Variants in ABI1 observed in about 807,000 individuals in gnomAD.
The protein encoded by ABI1 is abl interactor 1, also known as Abelson interactor 1.
A neutral mutation model predicts 54.6 loss-of-function variants in ABI1; 14 were observed. The observed-to-expected ratio is 0.26, with a 90% CI of 0.17 to 0.40. The LOEUF is 0.40. Among genes scored for constraint, ABI1 ranks in the 10% least tolerant of loss-of-function variants. The pLI, the probability that ABI1 is intolerant of heterozygous loss-of-function variation, is 1.00. For missense variants in ABI1, 443 were observed against 598.3 expected (o/e 0.74, Z 2.71); for synonymous variants, 194 against 209.3 (o/e 0.93, Z 0.63).
chr10:26,803,153 C>G (rs2046669243), intron 2 of ABI1, among the ~76,000 whole-genome samples: 1 of 151,960 alleles, frequency 6.6e-6, no homozygotes, highest in Non-Finnish European at 1.5e-5. Flanking sequence ...GGCAAAGGGA[C>G]TAGCACTACA....
intron 1 of ABI1, among the ~76,000 whole-genome samples, chr10:26,845,697 G>A (rs1441894059): frequency 6.6e-6 from 1 of 152,116 alleles, no homozygotes; most frequent in Non-Finnish European, 1.5e-5. Flanking sequence ...ATACCTAACA[G>A]ACAGTCTTCC....
chr10:26,822,472 A>G (rs2048043817), intron 2 of ABI1, among the ~76,000 whole-genome samples: 2 of 152,366 alleles, frequency 1.3e-5, no homozygotes, highest in South Asian at 4.1e-4. Flanking sequence ...GATTTCCATC[A>G]ACATGTGAAC....
rs192471917 is a variant in ABI1, at chr10:26,860,702, G to A, written c.117+45C>T. ...GCCCAGTGGGCTGGTCACTCCGGCG[G>A]GTCCTCGACCCGGCCAGCGCCCGCC... On this transcript the variant is annotated intron_variant, in intron 1 of 10. Transcript: ENST00000376140. This position sits in a 1 kb window ranked among gnomAD's most constrained non-coding sequence, Gnocchi z 4.1. 1.3e-4 allele frequency: 197 copies of A among 1,507,740 alleles called. 1 individual carries two copies. The African/African-American group carries it at 2.5e-3, about 19-fold the overall frequency. 93.4% of individuals were successfully genotyped at this position (1,507,740 alleles called of 1,614,324 possible).
chr10:26,848,176 G>A (rs961130431), intron 1 of ABI1, among the ~76,000 whole-genome samples: 5 of 142,686 alleles, frequency 3.5e-5, no homozygotes, highest in African/African-American at 1.3e-4. Context: ...TCCAGAACCT[G>A]GGCAACAGAG....
chr10:26,790,130 T>G (rs1843225720), intron 2 of ABI1, among the ~76,000 whole-genome samples: 1 of 152,240 alleles, frequency 6.6e-6, no homozygotes, highest in East Asian at 1.9e-4. Flanking sequence ...TAATTTATAT[T>G]CCTTTGGGTA....
chr10:26,813,444 G>A lies in ABI1; in HGVS notation c.285+9694C>T, dbSNP rs189474621. Among the ~76,000 whole-genome samples the A allele has an allele frequency of 3.3e-5, 5 of 152,284 alleles. No homozygotes were observed. In the East Asian group the frequency reaches 9.6e-4, roughly 29 times the overall value. ...GACGGAGAGCCAAAAGAAACTACAG[G>A]TGGGGATGTATTATCAAATTGGGTG... On this transcript the variant is annotated intron_variant, in intron 2 of 10. Transcript: ENST00000376140.
intron 1 of ABI1, chr10:26,839,821 T>C (rs1255465819): frequency 1.4e-6 from 1 of 699,264 alleles, no homozygotes; most frequent in South Asian, 1.5e-5. Flanking sequence ...CTTTAAAGTT[T>C]GCACTTTAAA....
intron 8 of ABI1, among the ~76,000 whole-genome samples, chr10:26,757,816 C>T (rs976428377): frequency 2.6e-5 from 4 of 151,900 alleles, no homozygotes; most frequent in Admixed American, 2.0e-4. Flanking sequence ...GCCTGTAATC[C>T]CACCACTTTG....
At position 26,777,099 on chromosome 10, in the gene ABI1, T is replaced by C; in HGVS notation, c.428A>G (p.Tyr143Cys). 1 of 1,612,744 alleles carries C rather than the reference T, an allele frequency of 6.2e-7. No homozygotes were observed. The change falls in exon 3 of 11, where the codon TAC becomes TGC. Residue 143 changes from tyrosine to cysteine, a missense_variant. Around this residue, in one of 2 missense-constraint regions of ABI1, gnomAD observed 394 missense variants for 484.8 expected, o/e 0.81. Coordinates refer to ENST00000376140, the MANE Select transcript of ABI1 (RefSeq NM_001012750.3). ...ATGGCCCACATCATCCAGAACTGTG[T>C]AATCGATAGGTTTCCGAATATACCT... is the stretch of plus-strand genomic sequence containing the variant. Reference protein sequence around the residue: ...PVRYIRKPIDYTVLDDVGHGV... With the variant: ...PVRYIRKPIDCTVLDDVGHGV...
At chr10:26,850,582 T>C (rs957155007) in intron 1 of ABI1, among the ~76,000 whole-genome samples, 2 of 148,344 alleles carry the variant, frequency 1.3e-5, no homozygotes, top group Non-Finnish European at 3.0e-5. Context: ...TGCCTGAACC[T>C]GGGAGGCAGA....
chr10:26,829,778 C>T (rs755713329), intron 1 of ABI1, among the ~76,000 whole-genome samples: 5 of 152,154 alleles, frequency 3.3e-5, no homozygotes, highest in Non-Finnish European at 7.4e-5. Context: ...AAGTCACTAG[C>T]GACTTTTGTA....
chr10:26,855,970 C>CAAAAAAAAA (rs11369827), intron 1 of ABI1, among the ~76,000 whole-genome samples: 1 of 80,574 alleles, frequency 1.2e-5, no homozygotes, highest in Non-Finnish European at 2.6e-5. Flanking sequence ...GACTCCATCT[C>CAAAAAAAAA]AAAAAAAAAA....
intron 2 of ABI1, among the ~76,000 whole-genome samples, chr10:26,822,608 AAT>A (rs2048053610): frequency 6.6e-6 from 1 of 152,116 alleles, no homozygotes. Flanking sequence ...CCAAAAAAAA[AAT>A]TAGTAAATAC....
intron 1 of ABI1, among the ~76,000 whole-genome samples, chr10:26,858,537 GAAAAAAAAAAAAAA>G (rs60132421): frequency 7.3e-4 from 69 of 94,280 alleles, no homozygotes; most frequent in African/African-American, 2.2e-3. Context: ...CACAAAAAAA[GAAAAAAAAAAAAAA>G]AAAAAAAAAA....
At chr10:26,825,315 C>T (rs2133828722) in intron 1 of ABI1, among the ~76,000 whole-genome samples, 1 of 152,158 alleles carries the variant, frequency 6.6e-6, no homozygotes, top group East Asian at 1.9e-4. Flanking sequence ...TGCTTAAGCC[C>T]AAGAGTTTGA....
At chr10:26,751,339 C>T (rs1837600443) in intron 10 of ABI1, among the ~76,000 whole-genome samples, 2 of 152,226 alleles carry the variant, frequency 1.3e-5, no homozygotes, top group East Asian at 3.9e-4. Flanking sequence ...AAATGCCGTC[C>T]AGCAAGTTAA....
rs933425430 is a variant in ABI1 at position 26,857,350 on chromosome 10, A to C, written c.117+3397T>G. On this transcript the variant is annotated intron_variant, in intron 1 of 10. Transcript: ENST00000376140. ...AAAAAAAAAAAAAAAAAAAAAAAAA[A>C]CACTTTCTGGCAAGGTGCAGTGGCC... Among the ~76,000 whole-genome samples the C allele has an allele frequency of 1.0e-4, 13 of 129,330 alleles. No individual in the cohort carries two copies. In the South Asian group the frequency reaches 3.3e-3, roughly 33 times the overall value. 84.8% of individuals were successfully genotyped at this position (129,330 alleles called of 152,430 possible). A position where few individuals can be genotyped will look rare whatever the true frequency, so the allele number is the denominator to read the frequency against.
At chr10:26,789,322 A>G (rs932988874) in intron 2 of ABI1, among the ~76,000 whole-genome samples, 3 of 152,222 alleles carry the variant, frequency 2.0e-5, no homozygotes, top group Non-Finnish European at 2.9e-5. Context: ...TAGAATATAC[A>G]TGGAACAAAT....
chr10:26,823,341 G>A (rs369947985), intron 1 of ABI1, 36 bp from the exon 2 acceptor site: 6 of 1,410,240 alleles, frequency 4.3e-6, no homozygotes, highest in Non-Finnish European at 9.4e-7. Flanking sequence ...TACTTATTTA[G>A]ATTAACATTC....
Sources: gnomAD v4.1 joint callset for allele counts (sites outside exome capture counted in the v4.1 genomes callset) on GRCh38, gnomAD v4.1.1 for gene constraint, gnomAD v4.1.1 regional missense constraint, Gnocchi (gnomAD v3.1) non-coding constraint, MANE v1.5 for transcripts, NCBI Gene and HGNC (gene_info 2026-07-23, HGNC 2026-07-21) for gene names.